ADAMTS12: variants seen among roughly 807,000 people sequenced by gnomAD.
ADAMTS12 encodes the protein A disintegrin and metalloproteinase with thrombospondin motifs 12.
A neutral mutation model predicts 167.8 loss-of-function variants in ADAMTS12; 118 were observed. The observed-to-expected ratio is 0.70, with a 90% confidence interval of 0.61 to 0.82. The LOEUF (loss-of-function observed/expected upper bound fraction) is 0.82. ADAMTS12 is among the 40% of genes least tolerant of loss of function. The probability of loss-of-function intolerance (pLI) is 0.00; values close to 1 mark genes in which losing one functional copy is unlikely to be tolerated. For synonymous variants in ADAMTS12, 704 were observed against 716.9 expected, an observed-to-expected ratio of 0.98 and a Z score of 0.29; for missense variants, 1,916 against 1,998.8, an observed-to-expected ratio of 0.96 and a Z score of 0.79.
At chr5:33,629,709 T>G (rs57274184) in intron 13 of ADAMTS12, among the ~76,000 whole-genome samples, 52,388 of 151,874 alleles carry the variant, frequency 0.34, 10,150 homozygotes, top group African/African-American at 0.54. Flanking sequence ...TTGTTATTGA[T>G]CTCTGCAGGA....
At chr5:33,642,020 G>A (rs985938561) in intron 10 of ADAMTS12, 65 bp from the exon 11 acceptor site, 4 of 1,479,626 alleles carry the variant, frequency 2.7e-6, no homozygotes, top group Non-Finnish European at 2.7e-6. Flanking sequence ...TGAGCCAAGA[G>A]CCCTAAAAGT....
chr5:33,573,738 T>A (rs1336719258), intron 19 of ADAMTS12, among the ~76,000 whole-genome samples: 2 of 152,058 alleles, frequency 1.3e-5, no homozygotes, highest in African/African-American at 4.8e-5. Flanking sequence ...AAGCCAAAAT[T>A]GACAAATGGG....
intron 20 of ADAMTS12, among the ~76,000 whole-genome samples, chr5:33,553,093 G>C (rs189449551): frequency 1.3e-5 from 2 of 151,778 alleles, no homozygotes; most frequent in Non-Finnish European, 2.9e-5. Context: ...ACATACACGC[G>C]GTCAACAATC....
chr5:33,534,317 C>A (rs1381822662), intron 23 of ADAMTS12, among the ~76,000 whole-genome samples: 1 of 41,406 alleles, frequency 2.4e-5, no homozygotes, highest in Non-Finnish European at 3.9e-5. Flanking sequence ...TGTGTCTCCT[C>A]GTTTTCCATC....
chr5:33,575,912 G>A, intron 19 of ADAMTS12, 142 bp downstream of exon 19: 2 of 1,181,484 alleles, frequency 1.7e-6, no homozygotes, highest in South Asian at 1.7e-5. Context: ...AGGAGGGAGG[G>A]GAGGGCATGG....
At chr5:33,537,448 C>G (rs2111766875) in intron 22 of ADAMTS12, among the ~76,000 whole-genome samples, 1 of 152,280 alleles carries the variant, frequency 6.6e-6, no homozygotes, top group Middle Eastern at 3.4e-3. Flanking sequence ...CATGTGAGAC[C>G]AAAATAGTTT....
chr5:33,637,706 G>A lies in ADAMTS12; in HGVS notation c.1759C>T (p.Arg587Cys), dbSNP rs201263969. 1.8e-5 allele frequency: 29 copies of A among 1,613,498 alleles called. No homozygotes were observed. Among genetic ancestry groups the A allele is most frequent in the East Asian group, 2.2e-5 (1 of 44,844 alleles). Residue 587 changes from arginine to cysteine, a missense_variant, in exon 12 of 24, where the codon CGC becomes TGC. Physicochemically the swap from Arg to Cys is radical, Grantham distance 180 (BLOSUM62 -3). Transcript: ENST00000504830. ...GGKYCTGERK[R>C]YRLCNVHPCR... is the part of the protein sequence containing the mutation. ...GGGTGGACGTTGCACAAGCGATAGC[G>A]TTTTCTTTCTCCAGTGCAATATTTC... is the stretch of plus-strand genomic sequence containing the variant.
chr5:33,725,097 C>T (rs1164030743), intron 3 of ADAMTS12, among the ~76,000 whole-genome samples: 1 of 152,158 alleles, frequency 6.6e-6, no homozygotes, highest in African/African-American at 2.4e-5. Flanking sequence ...GGCTCATCAG[C>T]TTAGCTCTGC....
chr5:33,650,843 G>A (rs114102889), intron 7 of ADAMTS12, among the ~76,000 whole-genome samples: 1,542 of 152,260 alleles, frequency 0.01, 21 homozygotes, highest in African/African-American at 0.035. Flanking sequence ...GGAGACATTG[G>A]CTTAAATTTC....
chr5:33,613,898 G>C (rs965552143), intron 16 of ADAMTS12, among the ~76,000 whole-genome samples: 1 of 152,224 alleles, frequency 6.6e-6, no homozygotes, highest in Non-Finnish European at 1.5e-5. Flanking sequence ...CACATTTGAG[G>C]AGTTGTTCCA....
At chr5:33,803,025 T>G (rs1034586607) in intron 2 of ADAMTS12, among the ~76,000 whole-genome samples, 3 of 152,078 alleles carry the variant, frequency 2.0e-5, no homozygotes, top group African/African-American at 7.2e-5. Context: ...CAAGTGTCAC[T>G]GATATTATAA....
intron 18 of ADAMTS12, among the ~76,000 whole-genome samples, chr5:33,580,814 C>T (rs1036662511): frequency 6.6e-6 from 1 of 152,196 alleles, no homozygotes; most frequent in African/African-American, 2.4e-5. Flanking sequence ...CTTGGAAAAG[C>T]TGATGATCTG....
At position 33,881,290 on chromosome 5, in the gene ADAMTS12, C is replaced by T. The variant is rs1226761104; in HGVS notation, c.318G>A (p.Leu106=). 1.2e-6 allele frequency: 2 copies of T among 1,614,082 alleles called. No homozygotes were observed. Among genetic ancestry groups the T allele is most frequent in the Non-Finnish European group, 1.7e-6 (2 of 1,180,048 alleles). Reference sequence around the variant, plus strand: ...TGGAAAGAAATCCTTGATTGACCGTCAAGTTAAAAAACAGGTCCTTCTCCT... The same window carrying T: ...TGGAAAGAAATCCTTGATTGACCGTTAAGTTAAAAAACAGGTCCTTCTCCT... The part of the protein sequence containing the change: ...SHEEKDLFFN[L]TVNQGFLSNS... The change falls in exon 2 of 24, where the codon TTG becomes TTA. Residue 106 remains leucine, a synonymous_variant. Coordinates refer to ENST00000504830, the MANE Select transcript of ADAMTS12 (RefSeq NM_030955.4).
intron 22 of ADAMTS12, among the ~76,000 whole-genome samples, chr5:33,536,064 G>C (rs968334687): frequency 6.6e-6 from 1 of 152,328 alleles, no homozygotes; most frequent in Non-Finnish European, 1.5e-5. Context: ...AAGAAAATGT[G>C]CCTGAATTTA....
intron 3 of ADAMTS12, among the ~76,000 whole-genome samples, chr5:33,732,678 A>G (rs956570607): frequency 6.6e-6 from 1 of 152,210 alleles, no homozygotes; most frequent in Non-Finnish European, 1.5e-5. Context: ...TACTTTTTAT[A>G]TGTTGCTTTG....
intron 3 of ADAMTS12, among the ~76,000 whole-genome samples, chr5:33,695,159 C>T (rs10064603): frequency 0.22 from 34,160 of 152,108 alleles, 4,014 homozygotes; most frequent in East Asian, 0.42. Context: ...ATGATGTCCA[C>T]AATAGATCAA....
intron 5 of ADAMTS12, among the ~76,000 whole-genome samples, chr5:33,680,011 T>C (rs769450632): frequency 6.6e-6 from 1 of 152,196 alleles, no homozygotes; most frequent in Non-Finnish European, 1.5e-5. Context: ...TAGTCACAGA[T>C]GTGAAGAATG....
At chr5:33,829,432 C>G (rs1317402303) in intron 2 of ADAMTS12, among the ~76,000 whole-genome samples, 1 of 152,134 alleles carries the variant, frequency 6.6e-6, no homozygotes, top group South Asian at 2.1e-4. Flanking sequence ...ACTCACTACT[C>G]TTCTTTCCAT....
In ADAMTS12 at chr5:33,719,049, G is replaced by A. The variant is rs537228277; in HGVS notation, c.634+32355C>T. Among the ~76,000 whole-genome samples the A allele has an allele frequency of 3.3e-5, 5 of 152,238 alleles. No homozygotes were observed. In the East Asian group the frequency reaches 5.8e-4, roughly 18 times the overall value. ...ATGCTGAGGATTTTACATGCCTTGCGGTGCTTAATCTTCCTCACAGCCCTG... is the reference window on the plus strand; with the variant it reads ...ATGCTGAGGATTTTACATGCCTTGCAGTGCTTAATCTTCCTCACAGCCCTG... On this transcript the variant is annotated intron_variant, in intron 3 of 23. Coordinates refer to ENST00000504830, the MANE Select transcript of ADAMTS12 (RefSeq NM_030955.4).
Sources: gnomAD v4.1 joint callset for allele counts (sites outside exome capture counted in the v4.1 genomes callset) on GRCh38, gnomAD v4.1.1 for gene constraint, MANE v1.5 for transcripts, NCBI Gene and HGNC (gene_info 2026-07-23, HGNC 2026-07-21) for gene names.